The following DYSF variants were observed in gnomAD, a reference collection of about 807,000 sequenced individuals.
DYSF encodes the protein dystrophy-associated fer-1-like 1.
A neutral mutation model predicts 274.9 loss-of-function variants in DYSF; 212 were observed. The ratio of observed to expected loss-of-function variants is 0.77; its 90% CI spans 0.69 to 0.86. The LOEUF (loss-of-function observed/expected upper bound fraction) is 0.86, where lower values mean the gene tolerates loss of function less well. Ranked by LOEUF, DYSF falls within the 40% of genes least tolerant of loss-of-function variation. The pLI is 0.00. For synonymous variants in DYSF, 1,091 were observed against 1,078.7 expected, an observed-to-expected ratio of 1.01 and a Z score of -0.22; for missense variants, 2,666 against 2,783.2, an observed-to-expected ratio of 0.96 and a Z score of 0.95.
At chr2:71,675,992 A>C (rs962173156) in intron 52 of DYSF, among the ~76,000 whole-genome samples, 1 of 152,134 alleles carries the variant, frequency 6.6e-6, no homozygotes, top group African/African-American at 2.4e-5. Context: ...GTAGGTATCG[A>C]TCTGCATTTA....
At chr2:71,558,879 G>C (rs1261012490) in intron 22 of DYSF, among the ~76,000 whole-genome samples, 1 of 152,142 alleles carries the variant, frequency 6.6e-6, no homozygotes, top group African/African-American at 2.4e-5. Flanking sequence ...CCACTGAGTG[G>C]CCCAGCACCT....
At chr2:71,582,434 C>T (rs143161011) in intron 30 of DYSF, among the ~76,000 whole-genome samples, 367 of 152,198 alleles carry the variant, frequency 2.4e-3, no homozygotes, top group Non-Finnish European at 4.5e-3. Flanking sequence ...CTGAGGTAAC[C>T]GAGAAGCCAA....
chr2:71,557,177 G>A (rs374366618), intron 22 of DYSF, among the ~76,000 whole-genome samples: 10 of 152,192 alleles, frequency 6.6e-5, no homozygotes, highest in Non-Finnish European at 1.3e-4. Flanking sequence ...GGTTGGATGC[G>A]AAAAATGGGC....
At chr2:71,554,005 G>T (rs989627255) in intron 21 of DYSF, 74 bp downstream of exon 21, 278 of 1,606,838 alleles carry the variant, frequency 1.7e-4, no homozygotes, top group African/African-American at 4.0e-5. Context: ...GGGTGTCTCA[G>T]ACCACCACCC....
At chr2:71,541,250 T>C (rs1020224328) in intron 17 of DYSF, among the ~76,000 whole-genome samples, 1 of 152,242 alleles carries the variant, frequency 6.6e-6, no homozygotes, top group Non-Finnish European at 1.5e-5. Context: ...TAAAACCATA[T>C]GGGCTGGGTG....
chr2:71,522,212 T>A (rs1464626066), intron 12 of DYSF, among the ~76,000 whole-genome samples: 3 of 148,994 alleles, frequency 2.0e-5, no homozygotes, highest in Admixed American at 2.0e-4. Flanking sequence ...TCTCCACTAC[T>A]ATTTTCTCTC....
At chr2:71,499,911 A>G (rs2084803711) in intron 3 of DYSF, among the ~76,000 whole-genome samples, 1 of 152,112 alleles carries the variant, frequency 6.6e-6, no homozygotes, top group African/African-American at 2.4e-5. Context: ...TGCTCTGCAC[A>G]CACTCATAGC....
Position 71,667,561 on chromosome 2 carries a change from G to A in DYSF, c.5457+46G>A, listed in dbSNP as rs761813723. 6 of 1,612,188 alleles carry A rather than the reference G, an allele frequency of 3.7e-6. 1 individual carries two copies. The South Asian group carries it at 6.6e-5, about 18-fold the overall frequency. ...TCCCAGAGTCCTCGAACTCCAGAAA[G>A]CCCCAACCCCAGGGACAACATGGAT... On this transcript the variant is annotated intron_variant, in intron 48 of 55. Transcript: ENST00000410020.
Position 71,682,650 on chromosome 2 carries a change from C to T in DYSF, c.6294C>T (p.Phe2098=), listed in dbSNP as rs754852745. Residue 2098 remains phenylalanine (F), a synonymous_variant, in exon 55 of 56, where the codon TTC becomes TTT. Transcript: ENST00000410020. ...TCATCCTCTTCATCCTGCTGCTGTT[C>T]CTGGCCATCTTCATCTACGCCTTCC... ...LFIILFILLL[F]LAIFIYAFPN... is the part of the protein sequence containing the mutation. The T allele has an allele frequency of 2.8e-5, 46 of 1,614,042 alleles. No homozygotes were observed. The highest frequency in any genetic ancestry group is 1.6e-4 in the Middle Eastern group (1 of 6,084).
Position 71,551,594 on chromosome 2 carries a change from A to C in DYSF, c.1693-13A>C. On this transcript the variant is annotated splice_polypyrimidine_tract_variant and intron_variant, in intron 18 of 55. Transcript: ENST00000410020. ...TGTCTCCCCTGCTCCTTGTGACCTG[A>C]CCTCCCTGGCAGGGGGAAGGTGTGG... 1 of 1,594,210 alleles carries C rather than the reference A, an allele frequency of 6.3e-7. No homozygotes were observed. Among genetic ancestry groups the C allele is most frequent in the African/African-American group, 1.3e-5 (1 of 74,368 alleles).
intron 43 of DYSF, among the ~76,000 whole-genome samples, chr2:71,658,556 C>T (rs991607885): frequency 1.3e-5 from 2 of 152,302 alleles, no homozygotes; most frequent in Middle Eastern, 3.4e-3. Flanking sequence ...ATTGAACTTA[C>T]AGTTCCACAT....
chr2:71,637,232 A>G (rs924677035), intron 41 of DYSF, among the ~76,000 whole-genome samples: 1 of 152,096 alleles, frequency 6.6e-6, no homozygotes, highest in Non-Finnish European at 1.5e-5. Flanking sequence ...GATGTTGGTG[A>G]CACAGGAGAG....
intron 41 of DYSF, among the ~76,000 whole-genome samples, chr2:71,624,059 A>G (rs922353482): frequency 8.1e-6 from 1 of 123,884 alleles, no homozygotes; most frequent in African/African-American, 2.8e-5. Flanking sequence ...ACAAAGTGAG[A>G]CCTTGTTGCA....
intron 53 of DYSF, among the ~76,000 whole-genome samples, chr2:71,680,468 T>C (rs1308101172): frequency 6.6e-6 from 1 of 152,176 alleles, no homozygotes; most frequent in African/African-American, 2.4e-5. Flanking sequence ...CTAAAATCCT[T>C]CTAAATAAAT....
intron 7 of DYSF, 27 bp from the exon 8 acceptor site, chr2:71,515,596 C>G: frequency 6.2e-7 from 1 of 1,613,954 alleles, no homozygotes; most frequent in Non-Finnish European, 8.5e-7. Context: ...CCCCTTCCTC[C>G]TGCTCTTTCC....
rs145272777 is a variant in DYSF at position 71,667,391 on chromosome 2, C to A, written c.5333C>A (p.Pro1778Gln). 565 of 1,614,116 alleles carry A rather than the reference C, an allele frequency of 3.5e-4. No individual in the cohort carries two copies. The highest frequency in any genetic ancestry group is 2.3e-3 in the Middle Eastern group (14 of 6,042). ...TCTGGGGCAGAGGCTGGCAGGATCC[C>A]AAACCCACACCTGGGCCCAGTGGAG... ...SIEEIEAGRI[P>Q]NPHLGPVEER... is the part of the protein sequence containing the mutation. The change falls in exon 48 of 56, where the codon CCA (proline) becomes CAA (glutamine). Residue 1778 changes from proline (P) to glutamine (Q), a missense_variant. Transcript: ENST00000410020.
At chr2:71,474,835 C>T (rs1462935910) in intron 1 of DYSF, among the ~76,000 whole-genome samples, 1 of 152,158 alleles carries the variant, frequency 6.6e-6, no homozygotes. Flanking sequence ...TTAAGGAAGC[C>T]TGGAGCACCA....
chr2:71,592,580 A>G (rs953206331), intron 32 of DYSF, among the ~76,000 whole-genome samples: 5 of 152,154 alleles, frequency 3.3e-5, no homozygotes, highest in Admixed American at 2.0e-4. Flanking sequence ...ACCGGCTGGC[A>G]TTTCTCTGAG....
chr2:71,467,804 A>G (rs1219807904), intron 1 of DYSF, among the ~76,000 whole-genome samples: 3 of 152,096 alleles, frequency 2.0e-5, no homozygotes, highest in Non-Finnish European at 4.4e-5. Context: ...TGTGGAATCG[A>G]TAATAATAAT....
Sources: gnomAD v4.1 joint callset for allele counts (sites outside exome capture counted in the v4.1 genomes callset) on GRCh38, gnomAD v4.1.1 for gene constraint, MANE v1.5 for transcripts, NCBI Gene and HGNC (gene_info 2026-07-23, HGNC 2026-07-21) for gene names.